The following ALK variants were observed in gnomAD, a reference collection of about 807,000 sequenced individuals.
The protein encoded by ALK is ALK tyrosine kinase receptor.
In ALK, 74 loss-of-function variants were observed where a neutral mutation model predicts 163.1. The observed-to-expected ratio is 0.45, with a 90% confidence interval of 0.38 to 0.55. The LOEUF (loss-of-function observed/expected upper bound fraction) is 0.55. ALK is among the 20% of genes least tolerant of loss of function. ALK has a pLI of 0.00. For missense variants in ALK, 2,063 were observed against 2,105.3 expected (o/e 0.98, Z 0.39); for synonymous variants, 960 against 843.2 (o/e 1.14, Z -2.40).
intron 3 of ALK, among the ~76,000 whole-genome samples, chr2:29,571,380 C>A (rs888534169): frequency 1.3e-5 from 2 of 152,040 alleles, no homozygotes; most frequent in African/African-American, 4.8e-5. Context: ...GTGATTGGAT[C>A]ATGGGGGAAG....
chr2:29,331,779 T>G (rs1387488468), intron 5 of ALK, among the ~76,000 whole-genome samples: 1 of 152,136 alleles, frequency 6.6e-6, no homozygotes, highest in Non-Finnish European at 1.5e-5. Flanking sequence ...GGAGTTCTAT[T>G]CTTTCTACTT....
chr2:29,695,801 A>C (rs1678540009), intron 2 of ALK, among the ~76,000 whole-genome samples: 1 of 152,260 alleles, frequency 6.6e-6, no homozygotes, highest in African/African-American at 2.4e-5. Flanking sequence ...AATGCAAATC[A>C]AAACCACAAT....
chr2:29,207,921 A>G (rs986530918), intron 25 of ALK: 2 of 379,594 alleles, frequency 5.3e-6, no homozygotes, highest in East Asian at 1.5e-4. Flanking sequence ...TGTTAGGCCA[A>G]TTGCATGTCT....
At chr2:29,327,330 G>A (rs1376462568) in intron 6 of ALK, among the ~76,000 whole-genome samples, 3 of 152,126 alleles carry the variant, frequency 2.0e-5, no homozygotes, top group African/African-American at 7.2e-5. Context: ...GTATTGCTAT[G>A]GGAAAGATGA....
chr2:29,852,625 A>G (rs1269410059), intron 1 of ALK, among the ~76,000 whole-genome samples: 2 of 152,076 alleles, frequency 1.3e-5, no homozygotes, highest in East Asian at 1.9e-4. Context: ...AGTTACAACT[A>G]CTCCTGATGG....
At chr2:29,655,476 AC>A (rs1229934120) in intron 3 of ALK, among the ~76,000 whole-genome samples, 1 of 152,196 alleles carries the variant, frequency 6.6e-6, no homozygotes, top group Admixed American at 6.5e-5. Context: ...GGGGTCCCAC[AC>A]TAACACTGAG....
At chr2:29,519,774 T>C (rs1229328319) in intron 4 of ALK, among the ~76,000 whole-genome samples, 2 of 152,194 alleles carry the variant, frequency 1.3e-5, no homozygotes, top group East Asian at 1.9e-4. Context: ...AGACTCCAGA[T>C]AGGGAAATCA....
In ALK at chr2:29,207,184, T is replaced by C; in HGVS notation, c.3925A>G (p.Lys1309Glu). The C allele has an allele frequency of 1.9e-6, 3 of 1,613,790 alleles. No individual in the cohort carries two copies. The highest frequency in any genetic ancestry group is 2.5e-6 in the Non-Finnish European group (3 of 1,179,700). Residue 1309 changes from lysine (K) to glutamate (E), a missense_variant, in exon 26 of 29, where the codon AAA (lysine) becomes GAA (glutamate). This residue lies in a region of ALK where 83 missense variants were observed against 139.7 expected (regional missense o/e 0.59). Transcript: ENST00000389048. ...TGGCTGACTTACCATGTGTCTGTTT[T>C]AGAAGTGAATATTCCTTCCATGAAG... ...EAFMEGIFTS[K>E]TDTWSFGVLL...
chr2:29,416,979 C>CCTTTT (rs1177704836), intron 4 of ALK, among the ~76,000 whole-genome samples: 1 of 77,664 alleles, frequency 1.3e-5, no homozygotes, highest in African/African-American at 5.5e-5. Context: ...ATGTTTGATG[C>CCTTTT]TTTTTTTTTT....
At chr2:29,306,958 G>A (rs1341866879) in intron 8 of ALK, among the ~76,000 whole-genome samples, 2 of 152,238 alleles carry the variant, frequency 1.3e-5, no homozygotes, top group East Asian at 3.8e-4. Flanking sequence ...CCTCTCGGAA[G>A]GGACTGATAG....
At chr2:29,272,231 C>A (rs374049859) in intron 11 of ALK, among the ~76,000 whole-genome samples, 1 of 149,650 alleles carries the variant, frequency 6.7e-6, no homozygotes, top group South Asian at 2.1e-4. Flanking sequence ...CTCTGCAGCC[C>A]CGTGGTCACA....
intron 11 of ALK, among the ~76,000 whole-genome samples, chr2:29,263,836 G>A (rs17007760): frequency 0.047 from 7,221 of 152,262 alleles, 201 homozygotes; most frequent in Middle Eastern, 0.085. Context: ...CACTTCTAGG[G>A]CCACTGAATT....
At chr2:29,789,349 T>C (rs1386228508) in intron 1 of ALK, among the ~76,000 whole-genome samples, 2 of 152,188 alleles carry the variant, frequency 1.3e-5, no homozygotes, top group African/African-American at 4.8e-5. Context: ...ATGACCACAC[T>C]TAGCCAACCA....
chr2:29,292,150 T>C (rs1004615127), intron 9 of ALK, among the ~76,000 whole-genome samples: 1 of 152,250 alleles, frequency 6.6e-6, no homozygotes, highest in Non-Finnish European at 1.5e-5. Context: ...GTATGTAGTG[T>C]ACGGCTAAAA....
chr2:29,353,209 A>G (rs1668161810), intron 5 of ALK, among the ~76,000 whole-genome samples: 1 of 152,234 alleles, frequency 6.6e-6, no homozygotes, highest in Non-Finnish European at 1.5e-5. Context: ...ATCTGGCACC[A>G]CCCAGATCAG....
At chr2:29,317,110 G>T (rs1316930081) in intron 8 of ALK, among the ~76,000 whole-genome samples, 2 of 152,102 alleles carry the variant, frequency 1.3e-5, no homozygotes, top group African/African-American at 4.8e-5. Flanking sequence ...CCCTTAGCAG[G>T]GGCAATCCTG....
At chr2:29,260,227 T>TAGG (rs57062743) in intron 11 of ALK, among the ~76,000 whole-genome samples, 99,448 of 151,702 alleles carry the variant, frequency 0.66, 34,504 homozygotes, top group East Asian at 0.8. Flanking sequence ...CTGTTTTTCT[T>TAGG]ACAATGACTT....
At chr2:29,695,053 C>T (rs1304030402) in intron 2 of ALK, 39 bp from the exon 3 acceptor site, 1 of 1,613,184 alleles carries the variant, frequency 6.2e-7, no homozygotes, top group Non-Finnish European at 8.5e-7. Context: ...AAAACCATTT[C>T]CCAAACGTGA....
chr2:29,262,572 A>C lies in ALK; in HGVS notation c.2042-11305T>G, dbSNP rs185782817. Among the ~76,000 whole-genome samples, 11 of 152,304 alleles carry C rather than the reference A, an allele frequency of 7.2e-5. No homozygotes were observed. In the East Asian group the frequency reaches 1.9e-3, roughly 27 times the overall value. ...TGCTCACACACATGATCTCATTTTT[A>C]CTGTTACACTGTTGTTTCCTTGCTC... is the stretch of plus-strand genomic sequence containing the variant. On this transcript the variant is annotated intron_variant, in intron 11 of 28. Coordinates refer to ENST00000389048, the MANE Select transcript of ALK (RefSeq NM_004304.5).
Sources: gnomAD v4.1 joint callset for allele counts (sites outside exome capture counted in the v4.1 genomes callset) on GRCh38, gnomAD v4.1.1 for gene constraint, gnomAD v4.1.1 regional missense constraint, MANE v1.5 for transcripts, NCBI Gene and HGNC (gene_info 2026-07-23, HGNC 2026-07-21) for gene names.